Variants in GPC6 observed in about 807,000 individuals in gnomAD.
GPC6 encodes the protein glypican-6.
Under a neutral mutation model 55.2 loss-of-function variants are expected in GPC6, and 14 were observed. That is an observed-to-expected ratio of 0.25 (90% CI 0.17 to 0.40). The LOEUF (loss-of-function observed/expected upper bound fraction) is 0.40, where lower values mean the gene tolerates loss of function less well. Among genes scored for constraint, GPC6 ranks in the 10% least tolerant of loss-of-function variants. The probability of loss-of-function intolerance (pLI) is 1.00; values close to 1 mark genes in which losing one functional copy is unlikely to be tolerated. For synonymous variants in GPC6, 278 were observed against 259.6 expected, an observed-to-expected ratio of 1.07 and a Z score of -0.68; for missense variants, 641 against 708.5, an observed-to-expected ratio of 0.90 and a Z score of 1.08.
At chr13:93,880,885 T>TG (rs1555338987) in intron 3 of GPC6, among the ~76,000 whole-genome samples, 5 of 147,052 alleles carry the variant, frequency 3.4e-5, no homozygotes, top group African/African-American at 2.5e-5. Context: ...CCTTTGCAAC[T>TG]AAAAAAAAAA....
chr13:94,181,178 G>T (rs758464757), intron 4 of GPC6, among the ~76,000 whole-genome samples: 1 of 152,160 alleles, frequency 6.6e-6, no homozygotes, highest in Non-Finnish European at 1.5e-5. Context: ...CAGGGGTGGA[G>T]ACCTAAAACA....
intron 2 of GPC6, among the ~76,000 whole-genome samples, chr13:93,639,286 G>C (rs1566462829): frequency 6.6e-6 from 1 of 152,090 alleles, no homozygotes; most frequent in Non-Finnish European, 1.5e-5. Flanking sequence ...CCTGAGGAAG[G>C]AGCAAGCCTG....
At chr13:93,423,165 A>G (rs1289413246) in intron 1 of GPC6, among the ~76,000 whole-genome samples, 1 of 152,204 alleles carries the variant, frequency 6.6e-6, no homozygotes, top group Non-Finnish European at 1.5e-5. Flanking sequence ...CTGTTAAGGA[A>G]TAAATTAAAC....
chr13:93,617,168 A>C (rs1566451697), intron 2 of GPC6, among the ~76,000 whole-genome samples: 1 of 152,118 alleles, frequency 6.6e-6, no homozygotes, highest in Admixed American at 6.6e-5. Flanking sequence ...CCTGTTGAAG[A>C]TCTTAGTGAT....
At chr13:93,439,271 A>T (rs1357616155) in intron 1 of GPC6, among the ~76,000 whole-genome samples, 1 of 152,118 alleles carries the variant, frequency 6.6e-6, no homozygotes, top group African/African-American at 2.4e-5. Context: ...CCCCACCCAA[A>T]TCTCATCCTG....
intron 2 of GPC6, among the ~76,000 whole-genome samples, chr13:93,676,871 C>G (rs1330312756): frequency 2.0e-5 from 3 of 151,750 alleles, no homozygotes; most frequent in Non-Finnish European, 4.4e-5. Context: ...ATGGGATGGT[C>G]TGGAACTCTA....
intron 3 of GPC6, among the ~76,000 whole-genome samples, chr13:93,872,128 C>G (rs1032127238): frequency 2.0e-5 from 3 of 151,942 alleles, no homozygotes; most frequent in African/African-American, 7.2e-5. Context: ...TTTGAAATAT[C>G]AAAAGAGATT....
rs1042814677 is a variant in GPC6 at position 93,796,064 on chromosome 13, C to T, written c.320-34090C>T. ...AGCCAAAAGCAGCTGAGTATGGTGGCGTGTGCCTGTAGTCCCAGCTAATTG... is the reference window on the plus strand; with the variant it reads ...AGCCAAAAGCAGCTGAGTATGGTGGTGTGTGCCTGTAGTCCCAGCTAATTG... On this transcript the variant is annotated intron_variant, in intron 2 of 8. Transcript: ENST00000377047. Among the ~76,000 whole-genome samples, 15 of 150,000 alleles carry T rather than the reference C, an allele frequency of 1.0e-4. No individual in the cohort carries two copies. The South Asian group carries it at 1.1e-3, about 11-fold the overall frequency.
At chr13:94,262,441 G>A (rs925753704) in intron 4 of GPC6, among the ~76,000 whole-genome samples, 12 of 152,146 alleles carry the variant, frequency 7.9e-5, no homozygotes, top group African/African-American at 2.7e-4. Context: ...GGGAGGCCAA[G>A]GTAAGTGAAT....
chr13:94,050,675 G>C (rs1240177686), intron 4 of GPC6, among the ~76,000 whole-genome samples: 2 of 152,164 alleles, frequency 1.3e-5, no homozygotes, highest in African/African-American at 4.8e-5. Flanking sequence ...ATGGCCTTCA[G>C]AGAGCAACAT....
rs560543927 is a variant in GPC6 at position 94,301,236 on chromosome 13, A to G, written c.1009-4744A>G. On this transcript the variant is annotated intron_variant, in intron 5 of 8. Coordinates refer to ENST00000377047, the MANE Select transcript of GPC6 (RefSeq NM_005708.5). Reference sequence around the variant, plus strand: ...AATAATATTTTGTGGAAAACATTTAAGAGACATCCATTAGCAGGGTGTGGT... The same window carrying G: ...AATAATATTTTGTGGAAAACATTTAGGAGACATCCATTAGCAGGGTGTGGT... Among the ~76,000 whole-genome samples the G allele has an allele frequency of 2.6e-5, 4 of 152,156 alleles. No homozygotes were observed. The South Asian group carries it at 8.3e-4, about 32-fold the overall frequency.
chr13:93,379,207 A>G (rs1029200373), intron 1 of GPC6, among the ~76,000 whole-genome samples: 8 of 152,126 alleles, frequency 5.3e-5, no homozygotes, highest in Non-Finnish European at 8.8e-5. Context: ...AGCCCAGACT[A>G]TATGTACATA....
intron 2 of GPC6, among the ~76,000 whole-genome samples, chr13:93,762,911 G>A (rs1299614802): frequency 6.6e-6 from 1 of 152,216 alleles, no homozygotes; most frequent in Non-Finnish European, 1.5e-5. Context: ...GTGCCAAGAA[G>A]ACATTGCATA....
At chr13:93,433,653 A>G (rs910320519) in intron 1 of GPC6, among the ~76,000 whole-genome samples, 12 of 152,192 alleles carry the variant, frequency 7.9e-5, no homozygotes, top group African/African-American at 2.2e-4. Context: ...ATATTATAAA[A>G]TAATAACCTT....
intron 1 of GPC6, among the ~76,000 whole-genome samples, chr13:93,481,304 T>C (rs374999026): frequency 6.6e-6 from 1 of 152,180 alleles, no homozygotes; most frequent in East Asian, 1.9e-4. Flanking sequence ...TATTTGTGTA[T>C]TGTAAGGAGT....
At chr13:94,098,006 A>G (rs1351607808) in intron 4 of GPC6, among the ~76,000 whole-genome samples, 1 of 152,200 alleles carries the variant, frequency 6.6e-6, no homozygotes, top group East Asian at 1.9e-4. Flanking sequence ...AACAACTAAA[A>G]GCACTGACAC....
intron 3 of GPC6, among the ~76,000 whole-genome samples, chr13:93,924,954 G>A (rs1877776676): frequency 6.6e-6 from 1 of 152,108 alleles, no homozygotes; most frequent in Non-Finnish European, 1.5e-5. Context: ...ACAGTGGCCA[G>A]TTTGGATTAC....
intron 6 of GPC6, among the ~76,000 whole-genome samples, chr13:94,346,202 T>A (rs1878281037): frequency 6.6e-6 from 1 of 152,210 alleles, no homozygotes; most frequent in African/African-American, 2.4e-5. Context: ...TCACCTTCCA[T>A]ACTGAGGTTC....
chr13:93,937,025 A>T (rs1243867027), intron 3 of GPC6, among the ~76,000 whole-genome samples: 1 of 152,208 alleles, frequency 6.6e-6, no homozygotes, highest in Admixed American at 6.5e-5. Context: ...AATGGGCAAT[A>T]AGGTAGTAGA....
Sources: allele counts gnomAD v4.1 joint callset (sites outside exome capture counted in the v4.1 genomes callset), GRCh38; gene constraint gnomAD v4.1.1; transcripts MANE v1.5; gene names NCBI Gene and HGNC (gene_info 2026-07-23, HGNC 2026-07-21).